Variants in METAP1 observed in about 807,000 individuals in gnomAD.
METAP1 encodes methionine aminopeptidase 1.
METAP1 carries 28 observed loss-of-function variants against 53.8 expected under a neutral mutation model. The observed-to-expected ratio is 0.52, with a 90% confidence interval of 0.39 to 0.71. METAP1 has a LOEUF of 0.71. METAP1 is among the 30% of genes least tolerant of loss of function. The pLI, the probability that METAP1 is intolerant of heterozygous loss-of-function variation, is 0.00. For missense variants in METAP1, 389 were observed against 479.8 expected (o/e 0.81, Z 1.77); for synonymous variants, 181 against 165.7 (o/e 1.09, Z -0.71).
intron 6 of METAP1, among the ~76,000 whole-genome samples, chr4:99,042,271 ATT>A (rs764024610): frequency 4.1e-5 from 6 of 145,780 alleles, no homozygotes; most frequent in African/African-American, 9.9e-5. Context: ...TGGTTGTAAG[ATT>A]TTTTTTTTTT....
At chr4:99,008,868 TA>T (rs751911048) in intron 1 of METAP1, among the ~76,000 whole-genome samples, 1 of 152,246 alleles carries the variant, frequency 6.6e-6, no homozygotes, top group African/African-American at 2.4e-5. Context: ...TACCATTTTT[TA>T]CATATCTTTA....
At chr4:98,999,993 G>T (rs1413512298) in intron 1 of METAP1, among the ~76,000 whole-genome samples, 1 of 152,058 alleles carries the variant, frequency 6.6e-6, no homozygotes, top group Non-Finnish European at 1.5e-5. Flanking sequence ...GAGGACAGAG[G>T]GTGTGTTTTA....
intron 9 of METAP1, among the ~76,000 whole-genome samples, chr4:99,054,370 C>A (rs1158091723): frequency 6.6e-6 from 1 of 152,182 alleles, no homozygotes; most frequent in African/African-American, 2.4e-5. Context: ...TTTTCTTCTG[C>A]AGCTTTGTCA....
At chr4:99,015,300 G>A (rs1213948534) in intron 1 of METAP1, among the ~76,000 whole-genome samples, 1 of 152,174 alleles carries the variant, frequency 6.6e-6, no homozygotes, top group Non-Finnish European at 1.5e-5. Context: ...TGGGATAATA[G>A]AAGTTTGATT....
chr4:99,002,222 GC>G (rs1289186687), intron 1 of METAP1, among the ~76,000 whole-genome samples: 1 of 152,188 alleles, frequency 6.6e-6, no homozygotes, highest in Non-Finnish European at 1.5e-5. Context: ...CGGAAGAAAA[GC>G]AGTGGCACGG....
Position 99,043,271 on chromosome 4 carries a change from A to G in METAP1, c.539A>G (p.Tyr180Cys). ...VHLACIARNC[Y>C]PSPLNYYNFP... ...TAGGCATGTATTGCAAGAAATTGCTACCCTTCTCCCCTGAATTATTATAAT... is the reference window on the plus strand; with the variant it reads ...TAGGCATGTATTGCAAGAAATTGCTGCCCTTCTCCCCTGAATTATTATAAT... The change falls in exon 7 of 11, where the codon TAC becomes TGC. Residue 180 changes from tyrosine (Y) to cysteine (C), a missense_variant. By Grantham distance (194) the Tyr-to-Cys change is radical. Transcript: ENST00000296411. 6.3e-7 allele frequency: 1 copy of G among 1,596,140 alleles called. No individual in the cohort carries two copies. The highest frequency in any genetic ancestry group is 8.6e-7 in the Non-Finnish European group (1 of 1,167,842).
chr4:98,998,100 CTA>C (rs773094337), intron 1 of METAP1, among the ~76,000 whole-genome samples: 4 of 152,356 alleles, frequency 2.6e-5, no homozygotes, highest in South Asian at 2.1e-4. Flanking sequence ...TAGCCAAAGG[CTA>C]TGTTTACATT....
At chr4:99,039,978 C>T (rs753925550) in intron 5 of METAP1, among the ~76,000 whole-genome samples, 11 of 151,948 alleles carry the variant, frequency 7.2e-5, no homozygotes, top group African/African-American at 1.7e-4. Flanking sequence ...CTGCCCGCCT[C>T]GGCCTCCCAC....
chr4:99,051,421 C>T (rs1020344091), intron 9 of METAP1, among the ~76,000 whole-genome samples: 12 of 152,070 alleles, frequency 7.9e-5, no homozygotes, highest in African/African-American at 1.7e-4. Flanking sequence ...GACAGGATCT[C>T]GCTGTGTCGC....
chr4:99,039,710 C>T (rs1403698704), intron 5 of METAP1, among the ~76,000 whole-genome samples: 1 of 152,070 alleles, frequency 6.6e-6, no homozygotes, highest in East Asian at 1.9e-4. Flanking sequence ...TCTTCTGCCT[C>T]AGCCTCCTGA....
At chr4:99,022,675 C>T (rs1377032509) in intron 1 of METAP1, 2 of 1,279,562 alleles carry the variant, frequency 1.6e-6, no homozygotes, top group Non-Finnish European at 1.1e-6. Flanking sequence ...TGTGGTGGGA[C>T]CAGGTGAAAT....
chr4:99,010,462 A>G (rs1041407027), intron 1 of METAP1, among the ~76,000 whole-genome samples: 1 of 152,174 alleles, frequency 6.6e-6, no homozygotes, highest in Admixed American at 6.5e-5. Context: ...TCTTTAAAAA[A>G]CAAAAACCTC....
chr4:99,034,289 G>T lies in METAP1; in HGVS notation c.226G>T (p.Asp76Tyr). The T allele has an allele frequency of 6.4e-7, 1 of 1,550,512 alleles. No homozygotes were observed. Among genetic ancestry groups the T allele is most frequent in the South Asian group, 1.2e-5 (1 of 83,966 alleles). The change falls in exon 3 of 11, where the codon GAC becomes TAC. Residue 76 changes from aspartate to tyrosine, a missense_variant. Transcript: ENST00000296411. ...SWTVEGDINT[D>Y]PWAGYRYTGK... ...GACTGTGGAAGGTGATATTAATACT[G>T]ACCCATGGGCAGGTTATCGATATAC...
At position 99,046,955 on chromosome 4, in the gene METAP1, A is replaced by G. The variant is rs867260323; in HGVS notation, c.787+1645A>G. 6.4e-3 allele frequency among the ~76,000 whole-genome samples: 958 copies of G among 150,754 alleles called. 4 individuals are homozygous for G. Among genetic ancestry groups the G allele is most frequent in the African/African-American group, 0.022 (902 of 41,072 alleles). On this transcript the variant is annotated intron_variant, in intron 8 of 10. Transcript: ENST00000296411. ...AAGAAACAAAAAAAAAAAAAAAAAAAAAAGAAAAAGAAAAAACCAGATAGT... is the reference window on the plus strand; with the variant it reads ...AAGAAACAAAAAAAAAAAAAAAAAAGAAAGAAAAAGAAAAAACCAGATAGT...
chr4:98,998,888 G>A (rs1172884877), intron 1 of METAP1, among the ~76,000 whole-genome samples: 2 of 151,274 alleles, frequency 1.3e-5, no homozygotes, highest in Admixed American at 6.6e-5. Flanking sequence ...TCGACTCACC[G>A]CAACCTCCGC....
At chr4:99,033,629 C>G (rs1725216760) in intron 2 of METAP1, among the ~76,000 whole-genome samples, 1 of 152,210 alleles carries the variant, frequency 6.6e-6, no homozygotes, top group South Asian at 2.1e-4. Context: ...CCTCCCTTGT[C>G]TTTGCCTTTT....
At chr4:99,053,917 T>C (rs961235809) in intron 9 of METAP1, among the ~76,000 whole-genome samples, 2 of 150,958 alleles carry the variant, frequency 1.3e-5, no homozygotes, top group Admixed American at 1.3e-4. Flanking sequence ...ATATTAATAT[T>C]ATTAAAATAT....
rs17028380 is a variant in METAP1 at position 99,027,572 on chromosome 4, T to G, written c.115-1295T>G. On this transcript the variant is annotated intron_variant, in intron 1 of 10. Transcript: ENST00000296411. ...CCCCCCCCGCCTTTGTCATATAACC[T>G]AACATATTTATATTTACACATTCCT... Among the ~76,000 whole-genome samples the G allele has an allele frequency of 7.3e-3, 1,074 of 147,782 alleles. 9 individuals are homozygous for G. Among genetic ancestry groups the G allele is most frequent in the African/African-American group, 0.026 (1,015 of 39,660 alleles).
At chr4:99,029,336 CTTTG>C (rs996785322) in intron 2 of METAP1, among the ~76,000 whole-genome samples, 1 of 152,044 alleles carries the variant, frequency 6.6e-6, no homozygotes, top group Non-Finnish European at 1.5e-5. Flanking sequence ...AACTATATTA[CTTTG>C]TTTTTTGGTG....
Sources: allele counts gnomAD v4.1 joint callset (sites outside exome capture counted in the v4.1 genomes callset), GRCh38; gene constraint gnomAD v4.1.1; transcripts MANE v1.5; gene names NCBI Gene and HGNC (gene_info 2026-07-23, HGNC 2026-07-21).